The following ATP8A1 variants were observed in gnomAD, a reference collection of about 807,000 sequenced individuals.
ATP8A1 encodes the protein ATPase phospholipid transporting 8A1.
A neutral mutation model predicts 177.7 loss-of-function variants in ATP8A1; 90 were observed. That is an observed-to-expected ratio of 0.51 (90% CI 0.43 to 0.60). The LOEUF is 0.60. ATP8A1 is among the 20% of genes least tolerant of loss of function. The pLI is 0.00. For missense variants in ATP8A1, 1,072 were observed against 1,392.8 expected (o/e 0.77, Z 3.67); for synonymous variants, 493 against 485.9 (o/e 1.01, Z -0.19).
At chr4:42,506,308 C>T (rs369272430) in intron 23 of ATP8A1, among the ~76,000 whole-genome samples, 13 of 152,272 alleles carry the variant, frequency 8.5e-5, no homozygotes, top group African/African-American at 3.1e-4. Context: ...GGCTGCCTTG[C>T]CCCTTCTACC....
intron 25 of ATP8A1, among the ~76,000 whole-genome samples, chr4:42,469,571 G>T (rs1057125922): frequency 2.0e-5 from 3 of 152,204 alleles, no homozygotes; most frequent in Non-Finnish European, 4.4e-5. Flanking sequence ...GTAGCATAAA[G>T]CTTTGATATG....
At chr4:42,483,684 C>A (rs1313367418) in intron 25 of ATP8A1, among the ~76,000 whole-genome samples, 1 of 152,156 alleles carries the variant, frequency 6.6e-6, no homozygotes, top group Non-Finnish European at 1.5e-5. Flanking sequence ...TTTTTTCTCT[C>A]CCTCTGCTAT....
intron 25 of ATP8A1, among the ~76,000 whole-genome samples, chr4:42,475,555 A>T (rs1270778219): frequency 6.6e-6 from 1 of 151,998 alleles, no homozygotes; most frequent in East Asian, 1.9e-4. Context: ...ATCTTTATAT[A>T]TGACAGTATA....
rs1733466014 is a variant in ATP8A1, at chr4:42,584,912, C to T, written c.722+1437G>A. On this transcript the variant is annotated intron_variant, in intron 9 of 36. Transcript: ENST00000381668. ...TGAATTCCCATTTCACTCAGAGTAA[C>T]ATCCTCACAATGGCCTACAAAGCCC... Among the ~76,000 whole-genome samples, 5 of 152,316 alleles carry T rather than the reference C, an allele frequency of 3.3e-5. No homozygotes were observed. In the South Asian group the frequency reaches 1.0e-3, roughly 32 times the overall value.
intron 16 of ATP8A1, 148 bp from the exon 17 acceptor site, chr4:42,552,758 C>T (rs914619625): frequency 2.6e-5 from 14 of 528,762 alleles, no homozygotes; most frequent in East Asian, 7.4e-5. Flanking sequence ...GAGGCCGAGG[C>T]GGGTGGATCG....
At chr4:42,581,205 C>G (rs1733011856) in intron 10 of ATP8A1, among the ~76,000 whole-genome samples, 1 of 152,000 alleles carries the variant, frequency 6.6e-6, no homozygotes, top group Non-Finnish European at 1.5e-5. Context: ...GCGATCTCGG[C>G]TCACTGCAAG....
At chr4:42,550,196 CTTT>C (rs34752933) in intron 18 of ATP8A1, among the ~76,000 whole-genome samples, 87,443 of 140,988 alleles carry the variant, frequency 0.62, 26,686 homozygotes, top group East Asian at 0.81. Context: ...TTGTGTCTGG[CTTT>C]TTTTTTTTTT....
intron 30 of ATP8A1, among the ~76,000 whole-genome samples, chr4:42,449,237 T>G (rs139587532): frequency 1.3e-5 from 2 of 152,374 alleles, no homozygotes; most frequent in Non-Finnish European, 2.9e-5. Context: ...CACTTTGGTA[T>G]GCAGAACTGC....
intron 25 of ATP8A1, among the ~76,000 whole-genome samples, chr4:42,482,983 C>T (rs913281357): frequency 6.6e-6 from 1 of 152,140 alleles, no homozygotes; most frequent in African/African-American, 2.4e-5. Flanking sequence ...TTATCTGGAG[C>T]GTCTATCTTC....
chr4:42,636,134 A>G (rs1221122219), intron 1 of ATP8A1, among the ~76,000 whole-genome samples: 32 of 37,186 alleles, frequency 8.6e-4, no homozygotes, highest in African/African-American at 2.0e-3. Context: ...ACACACACAC[A>G]CACACACACA....
chr4:42,590,272 T>TACAAAATG (rs770286383), intron 7 of ATP8A1, among the ~76,000 whole-genome samples: 31 of 152,192 alleles, frequency 2.0e-4, no homozygotes, highest in Non-Finnish European at 3.7e-4. Context: ...AAGCATGCGG[T>TACAAAATG]ACAAAATGTG....
chr4:42,625,562 T>TA (rs1365584621), intron 3 of ATP8A1, 52 bp downstream of exon 3: 1 of 1,296,218 alleles, frequency 7.7e-7, no homozygotes, highest in Non-Finnish European at 1.1e-6. Flanking sequence ...GTCACGGGCT[T>TA]AACATTTATT....
chr4:42,479,276 A>G (rs147852981), intron 25 of ATP8A1, among the ~76,000 whole-genome samples: 4 of 152,330 alleles, frequency 2.6e-5, no homozygotes, highest in African/African-American at 9.6e-5. Context: ...TGCAAAGCCT[A>G]CAGATACTTA....
chr4:42,488,397 CA>C (rs796564428), intron 24 of ATP8A1, among the ~76,000 whole-genome samples: 2,529 of 141,578 alleles, frequency 0.018, 72 homozygotes, highest in African/African-American at 0.061. Context: ...TGCAATCCAG[CA>C]AAAAAAAAAA....
intron 33 of ATP8A1, among the ~76,000 whole-genome samples, chr4:42,439,657 A>G (rs1012958941): frequency 6.6e-6 from 1 of 152,218 alleles, no homozygotes; most frequent in Non-Finnish European, 1.5e-5. Context: ...AGAAGGACTG[A>G]GGAAGAACAA....
At chr4:42,516,559 G>T (rs981814103) in intron 22 of ATP8A1, among the ~76,000 whole-genome samples, 2 of 152,174 alleles carry the variant, frequency 1.3e-5, no homozygotes, top group African/African-American at 4.8e-5. Context: ...CAGAAACACA[G>T]AAATTATTAG....
At chr4:42,528,685 A>G (rs1347188451) in intron 20 of ATP8A1, among the ~76,000 whole-genome samples, 2 of 152,166 alleles carry the variant, frequency 1.3e-5, no homozygotes, top group East Asian at 1.9e-4. Flanking sequence ...CCCCAGGGGC[A>G]TATCAACTCT....
chr4:42,518,865 C>T (rs1000901427), intron 22 of ATP8A1, among the ~76,000 whole-genome samples: 23 of 152,158 alleles, frequency 1.5e-4, no homozygotes, highest in African/African-American at 4.3e-4. Context: ...TGGTCTGACA[C>T]GCTGAAACTT....
intron 1 of ATP8A1, among the ~76,000 whole-genome samples, chr4:42,634,341 T>A (rs1013282020): frequency 6.6e-6 from 1 of 152,224 alleles, no homozygotes; most frequent in African/African-American, 2.4e-5. Context: ...TTTGATCACA[T>A]GCTAAATTTA....
Sources: allele counts gnomAD v4.1 joint callset (sites outside exome capture counted in the v4.1 genomes callset), GRCh38; gene constraint gnomAD v4.1.1; transcripts MANE v1.5; gene names NCBI Gene and HGNC (gene_info 2026-07-23, HGNC 2026-07-21).